Variants in LRRC69 observed in about 807,000 individuals in gnomAD.
The protein encoded by LRRC69 is leucine rich repeat containing 69, also known as leucine-rich repeat-containing protein 69.
LRRC69 carries 42 observed loss-of-function variants against 37.8 expected under a neutral mutation model. That is an observed-to-expected ratio of 1.11 (90% CI 0.87 to 1.44). The LOEUF is 1.44. LRRC69 is among the 40% of genes most tolerant of loss of function. LRRC69 has a pLI of 0.00. For synonymous variants in LRRC69, 141 were observed against 143.1 expected, an observed-to-expected ratio of 0.99 and a Z score of 0.11; for missense variants, 357 against 401.9, an observed-to-expected ratio of 0.89 and a Z score of 0.96.
intron 5 of LRRC69, among the ~76,000 whole-genome samples, chr8:91,176,546 C>T (rs181786639): frequency 2.5e-4 from 38 of 152,098 alleles, no homozygotes; most frequent in African/African-American, 8.7e-4. Flanking sequence ...AATAAATTGG[C>T]TTACATGATT....
intron 7 of LRRC69, among the ~76,000 whole-genome samples, chr8:91,202,715 G>T (rs1052839185): frequency 6.6e-6 from 1 of 152,176 alleles, no homozygotes; most frequent in Non-Finnish European, 1.5e-5. Flanking sequence ...AAAATACCAC[G>T]TAGTTTACAT....
chr8:91,123,686 A>G (rs371040464), intron 1 of LRRC69, among the ~76,000 whole-genome samples: 5 of 152,000 alleles, frequency 3.3e-5, no homozygotes, highest in African/African-American at 1.2e-4. Context: ...TTGGTAATTA[A>G]ACCTGAATAG....
At chr8:91,174,056 TAC>T (rs1809183716) in intron 5 of LRRC69, among the ~76,000 whole-genome samples, 1 of 152,014 alleles carries the variant, frequency 6.6e-6, no homozygotes, top group African/African-American at 2.4e-5. Flanking sequence ...CTTATTTTTC[TAC>T]AATGCCTTGA....
rs201088145 is a variant in LRRC69, at chr8:91,189,616, G to A, written c.746G>A (p.Ser249Asn). 872 of 1,547,708 alleles carry A rather than the reference G, an allele frequency of 5.6e-4. No individual in the cohort carries two copies. Among genetic ancestry groups the A allele is most frequent in the Non-Finnish European group, 7.1e-4 (812 of 1,144,080 alleles). Residue 249 changes from serine to asparagine, a missense_variant, in exon 6 of 8, where the codon AGT becomes AAT. By Grantham distance (46) the Ser-to-Asn change is conservative (BLOSUM62 1). Transcript: ENST00000448384. ...TCTACACAGCAGGAGAACGTCTGGA[G>A]TCTACAGGTGAAGACTTACCTCATT...
intron 7 of LRRC69, among the ~76,000 whole-genome samples, chr8:91,204,793 C>A (rs1348042036): frequency 6.6e-6 from 1 of 152,212 alleles, no homozygotes; most frequent in Non-Finnish European, 1.5e-5. Flanking sequence ...GATACATTAT[C>A]TTTCTCAAAA....
chr8:91,157,511 A>C, intron 5 of LRRC69: 2 of 1,556,986 alleles, frequency 1.3e-6, no homozygotes, highest in Non-Finnish European at 1.8e-6. Flanking sequence ...GTAGACAAGG[A>C]GTTCTATTTG....
intron 6 of LRRC69, among the ~76,000 whole-genome samples, chr8:91,196,936 A>C (rs1292871412): frequency 6.6e-6 from 1 of 151,756 alleles, no homozygotes; most frequent in African/African-American, 2.4e-5. Context: ...TAGAGTTTCC[A>C]GTTTTTCTGT....
chr8:91,125,321 T>G lies in LRRC69; in HGVS notation c.310+702T>G, dbSNP rs1174714418. ...GAACTTTTGAGGCATGGGTGCTATA[T>G]ATAATCATTGTCATCTTCACACAGA... is the stretch of plus-strand genomic sequence containing the variant. On this transcript the variant is annotated intron_variant, in intron 2 of 7. Transcript: ENST00000448384. Among the ~76,000 whole-genome samples the G allele has an allele frequency of 2.0e-5, 3 of 151,852 alleles. No homozygotes were observed. In the East Asian group the frequency reaches 5.8e-4, roughly 29 times the overall value.
chr8:91,129,622 C>T (rs1237759130), intron 3 of LRRC69, among the ~76,000 whole-genome samples: 2 of 151,904 alleles, frequency 1.3e-5, no homozygotes, highest in African/African-American at 4.8e-5. Flanking sequence ...CCCCACAGGA[C>T]CTGCTCCACA....
At chr8:91,197,356 G>A (rs1375440747) in intron 6 of LRRC69, among the ~76,000 whole-genome samples, 4 of 152,192 alleles carry the variant, frequency 2.6e-5, no homozygotes, top group East Asian at 1.9e-4. Context: ...TCCTGGAGCT[G>A]TGGTGGGCTC....
chr8:91,163,790 A>G (rs1808985049), intron 5 of LRRC69, among the ~76,000 whole-genome samples: 1 of 150,464 alleles, frequency 6.6e-6, no homozygotes, highest in African/African-American at 2.4e-5. Flanking sequence ...TTTAGAAAAA[A>G]ATTAAAAGAT....
chr8:91,145,199 T>C (rs1399246630), intron 5 of LRRC69, among the ~76,000 whole-genome samples: 9 of 151,934 alleles, frequency 5.9e-5, no homozygotes, highest in Admixed American at 5.3e-4. Flanking sequence ...TCAAAACTTT[T>C]GAAACTCTTT....
intron 3 of LRRC69, 86 bp from the exon 4 acceptor site, chr8:91,133,024 C>A (rs956902752): frequency 5.5e-6 from 4 of 720,726 alleles, no homozygotes; most frequent in African/African-American, 1.9e-5. Flanking sequence ...TAAATTGACA[C>A]ATGGCTTCTG....
intron 1 of LRRC69, among the ~76,000 whole-genome samples, chr8:91,113,899 A>T (rs1813456336): frequency 7.1e-6 from 1 of 141,156 alleles, no homozygotes; most frequent in Admixed American, 7.3e-5. Flanking sequence ...AAAAATGGGT[A>T]AAGGGGCCAA....
intron 1 of LRRC69, among the ~76,000 whole-genome samples, chr8:91,107,115 G>GTAT (rs922255363): frequency 8.1e-5 from 12 of 147,408 alleles, no homozygotes; most frequent in South Asian, 4.4e-4. Context: ...AGTGATTCTT[G>GTAT]TATTATTATT....
intron 5 of LRRC69, among the ~76,000 whole-genome samples, chr8:91,156,450 GTTC>G (rs1429402621): frequency 1.3e-5 from 2 of 150,756 alleles, no homozygotes; most frequent in East Asian, 1.9e-4. Flanking sequence ...CTTGAGTTGG[GTTC>G]TTTTTTATTC....
At chr8:91,208,137 T>C (rs1809838432) in intron 7 of LRRC69, among the ~76,000 whole-genome samples, 1 of 152,118 alleles carries the variant, frequency 6.6e-6, no homozygotes, top group Non-Finnish European at 1.5e-5. Flanking sequence ...AAAGACCCTA[T>C]CTCCAAATAC....
intron 5 of LRRC69, among the ~76,000 whole-genome samples, chr8:91,160,751 A>G (rs1261945468): frequency 6.6e-6 from 1 of 151,230 alleles, no homozygotes; most frequent in Non-Finnish European, 1.5e-5. Flanking sequence ...TTCATAAACT[A>G]CCCAGTCTCA....
In LRRC69 at chr8:91,212,134, A is replaced by G. The variant is rs113629665; in HGVS notation, c.934-6756A>G. 4.2e-3 allele frequency among the ~76,000 whole-genome samples: 637 copies of G among 152,260 alleles called. 2 individuals are homozygous for G. The highest frequency in any genetic ancestry group is 0.014 in the African/African-American group (599 of 41,572). ...ATAATTTCAATGTAGTTGATATTTCAATATTAGCTACTAATGATATAAATC... is the reference window on the plus strand; with the variant it reads ...ATAATTTCAATGTAGTTGATATTTCGATATTAGCTACTAATGATATAAATC... On this transcript the variant is annotated intron_variant, in intron 7 of 7. Coordinates refer to ENST00000448384, the Ensembl canonical transcript of LRRC69.
Sources: gnomAD v4.1 joint callset for allele counts (sites outside exome capture counted in the v4.1 genomes callset) on GRCh38, gnomAD v4.1.1 for gene constraint, MANE v1.5 for transcripts, NCBI Gene and HGNC (gene_info 2026-07-23, HGNC 2026-07-21) for gene names.